The following FMN2 variants were observed in gnomAD, a reference collection of about 807,000 sequenced individuals.
FMN2 encodes formin 2.
Under a neutral mutation model 142.3 loss-of-function variants are expected in FMN2, and 51 were observed. That is an observed-to-expected ratio of 0.36 (90% CI 0.29 to 0.45). FMN2 has a LOEUF of 0.45. Among genes scored for constraint, FMN2 ranks in the 20% least tolerant of loss-of-function variants. FMN2 has a pLI of 1.00. For missense variants in FMN2, 1,936 were observed against 2,122.8 expected (o/e 0.91, Z 1.73); for synonymous variants, 882 against 869.8 (o/e 1.01, Z -0.25).
chr1:240,421,996 G>A (rs1453622877), intron 15 of FMN2, among the ~76,000 whole-genome samples: 4 of 152,184 alleles, frequency 2.6e-5, no homozygotes, highest in Non-Finnish European at 5.9e-5. Flanking sequence ...TGAAGAGGCA[G>A]AGAGTGAGAA....
At chr1:240,288,549 C>T (rs976764565) in intron 7 of FMN2, among the ~76,000 whole-genome samples, 2 of 152,052 alleles carry the variant, frequency 1.3e-5, no homozygotes, top group Non-Finnish European at 2.9e-5. Context: ...GATGGGCAGC[C>T]CCTCAGATGG....
At chr1:240,150,094 A>G (rs1017748203) in intron 2 of FMN2, among the ~76,000 whole-genome samples, 8 of 152,110 alleles carry the variant, frequency 5.3e-5, no homozygotes, top group African/African-American at 1.7e-4. Flanking sequence ...CTTTTCAGAT[A>G]AAACAGATTT....
At chr1:240,387,862 T>A (rs995538604) in intron 14 of FMN2, among the ~76,000 whole-genome samples, 49 of 152,106 alleles carry the variant, frequency 3.2e-4, no homozygotes, top group Middle Eastern at 6.8e-3. Flanking sequence ...ACCAGGTGAT[T>A]TATACATTAT....
intron 8 of FMN2, among the ~76,000 whole-genome samples, chr1:240,308,322 T>C (rs1670483331): frequency 6.6e-6 from 1 of 152,210 alleles, no homozygotes; most frequent in Admixed American, 6.5e-5. Flanking sequence ...TAGGGACTTG[T>C]AGAACTTTGT....
intron 2 of FMN2, among the ~76,000 whole-genome samples, chr1:240,146,393 C>CAAAAAAAAAAA (rs71170704): frequency 1.0e-5 from 1 of 99,426 alleles, no homozygotes; most frequent in African/African-American, 4.1e-5. Context: ...GACTCTGTCT[C>CAAAAAAAAAAA]AAAAAAAAAA....
intron 1 of FMN2, among the ~76,000 whole-genome samples, chr1:240,118,781 C>T (rs1662121674): frequency 6.6e-6 from 1 of 151,982 alleles, no homozygotes; most frequent in Non-Finnish European, 1.5e-5. Context: ...GTCCAAATCA[C>T]TAAGAATGAT....
chr1:240,265,990 G>A (rs553870798), intron 7 of FMN2, among the ~76,000 whole-genome samples: 1 of 149,190 alleles, frequency 6.7e-6, no homozygotes, highest in African/African-American at 2.5e-5. Context: ...GGGACAAAAG[G>A]AGGGTGTAGA....
At chr1:240,340,968 T>C (rs1346702502) in intron 13 of FMN2, among the ~76,000 whole-genome samples, 1 of 152,196 alleles carries the variant, frequency 6.6e-6, no homozygotes, top group Non-Finnish European at 1.5e-5. Flanking sequence ...CTTTTAGATG[T>C]ACATTGGTCT....
At chr1:240,179,845 TTTTCATGTTTTCTG>T (rs1273514339) in intron 3 of FMN2, among the ~76,000 whole-genome samples, 1 of 152,208 alleles carries the variant, frequency 6.6e-6, no homozygotes, top group Non-Finnish European at 1.5e-5. Flanking sequence ...TTGGGTGATA[TTTTCATGTTTTCTG>T]TTCCCTACTG....
intron 2 of FMN2, among the ~76,000 whole-genome samples, chr1:240,140,944 C>A (rs1663154527): frequency 1.3e-5 from 2 of 152,134 alleles, no homozygotes; most frequent in South Asian, 4.1e-4. Flanking sequence ...ACTTTTCTGT[C>A]CAAAATAGCT....
intron 8 of FMN2, among the ~76,000 whole-genome samples, chr1:240,312,188 C>T (rs1222927362): frequency 6.6e-6 from 1 of 152,012 alleles, no homozygotes; most frequent in African/African-American, 2.4e-5. Flanking sequence ...CATCTTGTAG[C>T]CCTCTGCTCT....
At position 240,093,006 on chromosome 1, in the gene FMN2, C is replaced by A. The variant is rs930480044; in HGVS notation, c.897C>A (p.Leu299=). The A allele has an allele frequency of 2.1e-6, 3 of 1,399,596 alleles. No individual in the cohort carries two copies. Among genetic ancestry groups the A allele is most frequent in the Admixed American group, 6.8e-5 (2 of 29,318 alleles). The allele number at this position is 1,399,596 out of a possible 1,614,324, so 86.7% of individuals were successfully genotyped here. A position where few individuals can be genotyped will look rare whatever the true frequency, so the allele number is the denominator to read the frequency against. ...AGCAACCGCCGTCCCCCGGCGGCCT[C>A]CCGGTCTCCGAGGCGCCCAGTCTCC... ...EPQQPPSPGG[L]PVSEAPSLPA... The change falls in exon 1 of 18, where the codon CTC becomes CTA. Residue 299 remains leucine, a synonymous_variant. Transcript: ENST00000319653.
chr1:240,358,876 C>A (rs1010709636), intron 14 of FMN2, among the ~76,000 whole-genome samples: 2 of 152,184 alleles, frequency 1.3e-5, no homozygotes, highest in African/African-American at 4.8e-5. Context: ...GTGGCTCACT[C>A]CCATAATCCC....
chr1:240,107,094 G>A (rs571381464), intron 1 of FMN2, among the ~76,000 whole-genome samples: 1 of 151,892 alleles, frequency 6.6e-6, no homozygotes, highest in Non-Finnish European at 1.5e-5. Flanking sequence ...GACTGAATGT[G>A]TTCAGGATGA....
In FMN2 at chr1:240,381,984, A is replaced by C. The variant is rs116114450; in HGVS notation, c.4859-10527A>C. Among the ~76,000 whole-genome samples the C allele has an allele frequency of 6.7e-3, 1,026 of 152,304 alleles. 9 individuals carry two copies. The highest frequency in any genetic ancestry group is 0.022 in the African/African-American group (930 of 41,552). On this transcript the variant is annotated intron_variant, in intron 14 of 17. Coordinates refer to ENST00000319653, the MANE Select transcript of FMN2 (RefSeq NM_020066.5). ...GAAGTTGTAGCCAAAGCAATCAAGC[A>C]AGAAAAAGAAATTAAAGACATTCAA... is the stretch of plus-strand genomic sequence containing the variant.
intron 2 of FMN2, among the ~76,000 whole-genome samples, chr1:240,139,396 T>G (rs894286513): frequency 2.0e-5 from 3 of 152,078 alleles, no homozygotes; most frequent in African/African-American, 7.2e-5. Context: ...GTATCTGAGG[T>G]CAGGAGAGAG....
At chr1:240,120,716 T>C (rs1662201934) in intron 1 of FMN2, among the ~76,000 whole-genome samples, 1 of 152,204 alleles carries the variant, frequency 6.6e-6, no homozygotes, top group Non-Finnish European at 1.5e-5. Flanking sequence ...ACTGAAGACT[T>C]TTCTGGATAA....
At chr1:240,239,900 TTTG>T (rs1667832704) in intron 6 of FMN2, among the ~76,000 whole-genome samples, 1 of 152,336 alleles carries the variant, frequency 6.6e-6, no homozygotes, top group East Asian at 1.9e-4. Flanking sequence ...TCATAGGCAT[TTTG>T]TTGTTGTTAT....
intron 3 of FMN2, among the ~76,000 whole-genome samples, chr1:240,186,158 A>G (rs2103342838): frequency 6.6e-6 from 1 of 152,304 alleles, no homozygotes; most frequent in Middle Eastern, 3.4e-3. Flanking sequence ...CTCCTAGCTG[A>G]GATTCAGAAA....
Sources: allele counts gnomAD v4.1 joint callset (sites outside exome capture counted in the v4.1 genomes callset), GRCh38; gene constraint gnomAD v4.1.1; transcripts MANE v1.5; gene names NCBI Gene and HGNC (gene_info 2026-07-23, HGNC 2026-07-21).